NAALADL2: variants seen among roughly 807,000 people sequenced by gnomAD.
NAALADL2 encodes inactive N-acetylated-alpha-linked acidic dipeptidase-like protein 2.
A neutral mutation model predicts 87.2 loss-of-function variants in NAALADL2; 76 were observed. The observed-to-expected ratio is 0.87, with a 90% CI of 0.72 to 1.05. The LOEUF is 1.05. NAALADL2 is among the 50% of genes least tolerant of loss of function. The pLI, the probability that NAALADL2 is intolerant of heterozygous loss-of-function variation, is 0.00. For missense variants in NAALADL2, 1,089 were observed against 945.8 expected, an observed-to-expected ratio of 1.15 and a Z score of -1.99; for synonymous variants, 354 against 331.0, an observed-to-expected ratio of 1.07 and a Z score of -0.75.
intron 2 of NAALADL2, among the ~76,000 whole-genome samples, chr3:174,733,656 T>A (rs76138596): frequency 0.02 from 3,023 of 152,318 alleles, 60 homozygotes; most frequent in Non-Finnish European, 0.022. Context: ...TGGGTCCTGC[T>A]GCTTGCCACG....
intron 5 of NAALADL2, among the ~76,000 whole-genome samples, chr3:175,327,739 T>C (rs916694747): frequency 1.3e-5 from 2 of 152,136 alleles, no homozygotes; most frequent in East Asian, 1.9e-4. Flanking sequence ...TAATGAAAGA[T>C]AAAAGTTTTG....
intron 2 of NAALADL2, among the ~76,000 whole-genome samples, chr3:175,212,673 T>G (rs1383316982): frequency 6.6e-6 from 1 of 152,054 alleles, no homozygotes; most frequent in Non-Finnish European, 1.5e-5. Flanking sequence ...GTTTTCCTTG[T>G]TCTCTTAACT....
chr3:175,084,697 G>T (rs114955779), intron 1 of NAALADL2, among the ~76,000 whole-genome samples: 2 of 152,014 alleles, frequency 1.3e-5, no homozygotes, highest in Admixed American at 1.3e-4. Context: ...TCAAAGTTAC[G>T]CATTTAGTCA....
chr3:174,777,790 A>G (rs1486945753), intron 3 of NAALADL2, among the ~76,000 whole-genome samples: 1 of 152,076 alleles, frequency 6.6e-6, no homozygotes, highest in African/African-American at 2.4e-5. Context: ...TACTGTTTCT[A>G]CTGAACCTCT....
intron 9 of NAALADL2, among the ~76,000 whole-genome samples, chr3:175,500,972 G>A (rs1039514552): frequency 5.3e-5 from 8 of 152,110 alleles, no homozygotes; most frequent in African/African-American, 1.9e-4. Flanking sequence ...GATAGTTCTG[G>A]GAATAGTGAA....
intron 2 of NAALADL2, among the ~76,000 whole-genome samples, chr3:174,720,156 C>A (rs1731572230): frequency 6.6e-6 from 1 of 151,998 alleles, no homozygotes; most frequent in South Asian, 2.1e-4. Flanking sequence ...AAAGACAATC[C>A]AGTTTTTATT....
intron 9 of NAALADL2, among the ~76,000 whole-genome samples, chr3:175,518,847 C>G (rs77645841): frequency 0.011 from 1,637 of 152,306 alleles, 22 homozygotes; most frequent in African/African-American, 0.036. Flanking sequence ...ATCAAAAAAT[C>G]AACTTACAAA....
chr3:175,698,395 ATG>A (rs879925015), intron 11 of NAALADL2, among the ~76,000 whole-genome samples: 2,500 of 102,232 alleles, frequency 0.024, 384 homozygotes, highest in Non-Finnish European at 0.029. Flanking sequence ...ATGTATACAT[ATG>A]TATGTGTATT....
At chr3:174,508,687 T>A (rs948837381) in intron 1 of NAALADL2, among the ~76,000 whole-genome samples, 1 of 152,106 alleles carries the variant, frequency 6.6e-6, no homozygotes, top group Non-Finnish European at 1.5e-5. Context: ...GGCACAAGAC[T>A]TGCATATATT....
chr3:175,252,839 C>T (rs1192771972), intron 3 of NAALADL2, among the ~76,000 whole-genome samples: 1 of 152,120 alleles, frequency 6.6e-6, no homozygotes, highest in Non-Finnish European at 1.5e-5. Context: ...AAACAAACCA[C>T]AACATTTTAT....
intron 2 of NAALADL2, among the ~76,000 whole-genome samples, chr3:175,199,879 TTTTTTTTTTTTTTC>T (rs1560154218): frequency 1.1e-4 from 10 of 91,048 alleles, no homozygotes; most frequent in Non-Finnish European, 1.6e-4. Context: ...TTTTTTTTTT[TTTTTTTTTTTTTTC>T]CTTAGTCCAT....
chr3:175,566,148 C>A (rs527756437), intron 9 of NAALADL2, among the ~76,000 whole-genome samples: 2 of 152,102 alleles, frequency 1.3e-5, no homozygotes, highest in South Asian at 4.1e-4. Flanking sequence ...CTTTTTAAAG[C>A]CTTTTTTCAT....
At chr3:174,510,223 A>G (rs1311259947) in intron 1 of NAALADL2, among the ~76,000 whole-genome samples, 21 of 152,110 alleles carry the variant, frequency 1.4e-4, no homozygotes, top group Admixed American at 1.4e-3. Flanking sequence ...TTGGTTTTGA[A>G]TTAGTATAAT....
At chr3:175,794,245 A>C (rs1403933115) in intron 13 of NAALADL2, among the ~76,000 whole-genome samples, 1 of 152,210 alleles carries the variant, frequency 6.6e-6, no homozygotes, top group Non-Finnish European at 1.5e-5. Flanking sequence ...CTGAAATACT[A>C]AGAGATAATG....
chr3:175,489,541 A>G (rs987054166), intron 9 of NAALADL2, among the ~76,000 whole-genome samples: 1 of 152,240 alleles, frequency 6.6e-6, no homozygotes, highest in Non-Finnish European at 1.5e-5. Context: ...ACAATTCTAG[A>G]TAAAACTTTT....
At chr3:175,218,951 G>T (rs960132875) in intron 2 of NAALADL2, among the ~76,000 whole-genome samples, 1 of 151,876 alleles carries the variant, frequency 6.6e-6, no homozygotes, top group African/African-American at 2.4e-5. Context: ...GATTACAGGT[G>T]TGAGCCACCG....
chr3:175,769,447 G>T (rs1263808411), intron 13 of NAALADL2, among the ~76,000 whole-genome samples: 1 of 152,098 alleles, frequency 6.6e-6, no homozygotes, highest in African/African-American at 2.4e-5. Context: ...ATCAAACAAG[G>T]GCCTAGAGGC....
intron 12 of NAALADL2, among the ~76,000 whole-genome samples, chr3:175,752,499 T>C (rs562871147): frequency 2.6e-5 from 4 of 152,242 alleles, no homozygotes; most frequent in East Asian, 3.9e-4. Flanking sequence ...CAAGCTCTAA[T>C]TGGCAGAGAA....
intron 3 of NAALADL2, among the ~76,000 whole-genome samples, chr3:174,786,502 G>T (rs1716694797): frequency 6.7e-6 from 1 of 150,330 alleles, no homozygotes; most frequent in South Asian, 2.1e-4. Context: ...AAAAGAAAAA[G>T]TAAAATTATT....
Sources: allele counts gnomAD v4.1 joint callset (sites outside exome capture counted in the v4.1 genomes callset), GRCh38; gene constraint gnomAD v4.1.1; transcripts MANE v1.5; gene names NCBI Gene and HGNC (gene_info 2026-07-23, HGNC 2026-07-21).